Variants in CSMD2 observed in about 807,000 individuals in gnomAD.
The protein encoded by CSMD2 is CUB and sushi domain-containing protein 2.
A neutral mutation model predicts 398.5 loss-of-function variants in CSMD2; 130 were observed. The ratio of observed to expected loss-of-function variants is 0.33; its 90% CI spans 0.28 to 0.38. The LOEUF is 0.38. CSMD2 is among the 10% of genes least tolerant of loss of function. CSMD2 has a pLI of 1.00. For missense variants in CSMD2, 3,829 were observed against 4,764.9 expected (o/e 0.80, Z 5.78); for synonymous variants, 1,828 against 1,908.5 (o/e 0.96, Z 1.10).
At chr1:33,730,277 T>G (rs1646677704) in intron 15 of CSMD2, among the ~76,000 whole-genome samples, 1 of 152,200 alleles carries the variant, frequency 6.6e-6, no homozygotes, top group African/African-American at 2.4e-5. Context: ...TTCACTCATA[T>G]TAACAATCAC....
chr1:34,046,025 A>G (rs1652483197), intron 2 of CSMD2, among the ~76,000 whole-genome samples: 1 of 152,268 alleles, frequency 6.6e-6, no homozygotes, highest in South Asian at 2.1e-4. Flanking sequence ...TTAACTTTCA[A>G]AGGAAATAGT....
chr1:33,900,816 A>G (rs1052785454), intron 5 of CSMD2, among the ~76,000 whole-genome samples: 6 of 152,150 alleles, frequency 3.9e-5, no homozygotes, highest in African/African-American at 1.4e-4. Flanking sequence ...ACATTAAATG[A>G]GACCATGCAT....
chr1:33,869,136 CAG>C (rs1640262244), intron 5 of CSMD2: 1 of 152,194 alleles, frequency 6.6e-6, no homozygotes, highest in Non-Finnish European at 1.5e-5. Flanking sequence ...CTGAGAGCCA[CAG>C]AGAGATTTCA....
chr1:33,830,921 AT>A (rs1215660025), intron 6 of CSMD2, among the ~76,000 whole-genome samples: 2 of 152,250 alleles, frequency 1.3e-5, no homozygotes, highest in African/African-American at 4.8e-5. Flanking sequence ...GTGATGGAAG[AT>A]CAAATGAATG....
rs761496611 is a variant in CSMD2 at position 33,600,973 on chromosome 1, A to G, written c.6748T>C (p.Phe2250Leu). The G allele has an allele frequency of 6.2e-7, 1 of 1,614,152 alleles. No individual in the cohort carries two copies. Among genetic ancestry groups the G allele is most frequent in the Non-Finnish European group, 8.5e-7 (1 of 1,180,028 alleles). ...GTTTTCTTGGCCATGCTCCGGGTGA[A>G]GACGCCGAGCCGTGGTGCTGTTTGC... ...PQQTAPRLGV[F>L]TRSMAKKTVQ... The change falls in exon 44 of 71, where the codon TTC becomes CTC. Residue 2250 changes from phenylalanine (F) to leucine (L), a missense_variant. By Grantham distance (22) the Phe-to-Leu change is conservative. Coordinates refer to ENST00000373381, the MANE Select transcript of CSMD2 (RefSeq NM_001281956.2).
chr1:33,978,634 G>A (rs951864034), intron 3 of CSMD2, among the ~76,000 whole-genome samples: 3 of 152,146 alleles, frequency 2.0e-5, no homozygotes, highest in Non-Finnish European at 1.5e-5. Flanking sequence ...TCTAGGTGGA[G>A]AGAACAGCAG....
rs149232606 is a variant in CSMD2, at chr1:33,729,118, G to A, written c.2369-2433C>T. Among the ~76,000 whole-genome samples the A allele has an allele frequency of 2.0e-5, 3 of 152,266 alleles. No homozygotes were observed. In the East Asian group the frequency reaches 5.8e-4, roughly 29 times the overall value. ...ATCTCAGCACAGGCCCAGCATCTCT[G>A]GTTGTTGGACTGTGATTTCCCCATT... On this transcript the variant is annotated intron_variant, in intron 15 of 70. Transcript: ENST00000373381.
chr1:33,904,196 GAGGGGTAGAAGC>G (rs1238224966), intron 5 of CSMD2, among the ~76,000 whole-genome samples: 1 of 152,224 alleles, frequency 6.6e-6, no homozygotes, highest in Non-Finnish European at 1.5e-5. Context: ...ATGGATTACA[GAGGGGTAGAAGC>G]AGGGAGACAA....
chr1:33,717,863 A>C (rs1299179976), intron 19 of CSMD2, among the ~76,000 whole-genome samples: 1 of 151,946 alleles, frequency 6.6e-6, no homozygotes, highest in Admixed American at 6.6e-5. Context: ...GGGAGGAGGG[A>C]GCTCCAGTAA....
intron 26 of CSMD2, among the ~76,000 whole-genome samples, chr1:33,660,773 T>A (rs1017197628): frequency 1.3e-5 from 2 of 152,230 alleles, no homozygotes; most frequent in Non-Finnish European, 2.9e-5. Context: ...TGTGTTCATA[T>A]CTTCATGTGC....
At chr1:33,708,229 CAT>C (rs912826893) in intron 22 of CSMD2, among the ~76,000 whole-genome samples, 9 of 152,262 alleles carry the variant, frequency 5.9e-5, no homozygotes, top group African/African-American at 1.9e-4. Context: ...CCTTCCCTTA[CAT>C]ATGTCTCAAA....
chr1:33,638,701 C>T (rs547624646), intron 29 of CSMD2, among the ~76,000 whole-genome samples: 23 of 152,310 alleles, frequency 1.5e-4, no homozygotes, highest in South Asian at 4.1e-4. Flanking sequence ...TTTGCTCCAA[C>T]GACACTGGCC....
At chr1:33,831,733 C>T (rs1157178714) in intron 6 of CSMD2, among the ~76,000 whole-genome samples, 1 of 152,110 alleles carries the variant, frequency 6.6e-6, no homozygotes, top group Non-Finnish European at 1.5e-5. Context: ...GATAAAGAGT[C>T]AAGACCCATC....
At chr1:33,904,640 G>A (rs905416579) in intron 5 of CSMD2, among the ~76,000 whole-genome samples, 4 of 144,506 alleles carry the variant, frequency 2.8e-5, no homozygotes, top group African/African-American at 1.0e-4. Flanking sequence ...CCTAAAAATG[G>A]AATGATAGGT....
intron 44 of CSMD2, among the ~76,000 whole-genome samples, chr1:33,597,022 A>G (rs2148789583): frequency 6.6e-6 from 1 of 152,054 alleles, no homozygotes; most frequent in East Asian, 1.9e-4. Context: ...TGCTTCCCAA[A>G]ATTTATTTCT....
rs541106596 is a variant in CSMD2, at chr1:33,679,595, G to A, written c.4052+13335C>T. On this transcript the variant is annotated intron_variant, in intron 25 of 70. Transcript: ENST00000373381. ...CTGTAATTTCAATCTATCAAGCAGC[G>A]TTGCTAAGAGTATTATCATAAATGA... Among the ~76,000 whole-genome samples the A allele has an allele frequency of 2.6e-4, 39 of 152,270 alleles. 1 individual carries two copies. Among genetic ancestry groups the A allele is most frequent in the Non-Finnish European group, 4.4e-4 (30 of 68,032 alleles).
At chr1:33,610,980 G>C in intron 41 of CSMD2, 61 bp downstream of exon 41, 2 of 1,504,746 alleles carry the variant, frequency 1.3e-6, no homozygotes, top group Non-Finnish European at 1.8e-6. Context: ...TGGGAAGGTG[G>C]GTGGCTGGGG....
Position 33,571,562 on chromosome 1 carries a change from T to C in CSMD2, c.7927A>G (p.Ser2643Gly). ...VIRCQANGKW[S>G]LGDSTPTCRI... ...CAGGTGGGCGTAGAGTCCCCGAGGC[T>C]CCATTTGCCATTGGCCTGACAGCGG... Residue 2643 changes from serine (S) to glycine (G), a missense_variant, in exon 51 of 71, where the codon AGC becomes GGC. By Grantham distance (56) the Ser-to-Gly change is moderately conservative. Around this residue, in one of 5 missense-constraint regions of CSMD2, gnomAD observed 723 missense variants for 758.6 expected, o/e 0.95. Transcript: ENST00000373381. 6.6e-7 allele frequency: 1 copy of C among 1,523,758 alleles called. No homozygotes were observed. The highest frequency in any genetic ancestry group is 1.8e-5 in the Admixed American group (1 of 56,070). 94.4% of individuals were successfully genotyped at this position (1,523,758 alleles called of 1,614,324 possible).
chr1:33,684,598 A>C (rs1211588830), intron 25 of CSMD2, among the ~76,000 whole-genome samples: 3 of 152,166 alleles, frequency 2.0e-5, no homozygotes, highest in Non-Finnish European at 4.4e-5. Flanking sequence ...TTCCCAGCCA[A>C]TTTATCCTCT....
Sources: allele counts gnomAD v4.1 joint callset (sites outside exome capture counted in the v4.1 genomes callset), GRCh38; gene constraint gnomAD v4.1.1; regional missense constraint gnomAD v4.1.1; transcripts MANE v1.5; gene names NCBI Gene and HGNC (gene_info 2026-07-23, HGNC 2026-07-21).